MAST2: variants seen among roughly 807,000 people sequenced by gnomAD.
MAST2 encodes microtubule associated serine/threonine kinase 2.
In MAST2, 70 loss-of-function variants were observed where a neutral mutation model predicts 147.4. The ratio of observed to expected loss-of-function variants is 0.47; its 90% CI spans 0.39 to 0.58. The LOEUF (loss-of-function observed/expected upper bound fraction) is 0.58, where lower values mean the gene tolerates loss of function less well. MAST2 is among the 20% of genes least tolerant of loss of function. The pLI, the probability that MAST2 is intolerant of heterozygous loss-of-function variation, is 0.00. For synonymous variants in MAST2, 869 were observed against 896.8 expected (o/e 0.97, Z 0.55); for missense variants, 2,080 against 2,302.3 (o/e 0.90, Z 1.98).
intron 5 of MAST2, among the ~76,000 whole-genome samples, chr1:45,976,290 C>A (rs1288593233): frequency 6.6e-6 from 1 of 151,978 alleles, no homozygotes; most frequent in Non-Finnish European, 1.5e-5. Context: ...ACTAAATACT[C>A]TTTAAGGCTT....
At chr1:45,982,006 C>T (rs1644428317) in intron 5 of MAST2, among the ~76,000 whole-genome samples, 1 of 152,010 alleles carries the variant, frequency 6.6e-6, no homozygotes, top group South Asian at 2.1e-4. Context: ...ACCACCACGC[C>T]CAGCTAATTT....
intron 4 of MAST2, among the ~76,000 whole-genome samples, chr1:45,921,736 G>A (rs1431740711): frequency 6.6e-6 from 1 of 152,224 alleles, no homozygotes; most frequent in African/African-American, 2.4e-5. Context: ...TCACAGCTCA[G>A]GCTCGGGGAG....
chr1:45,813,930 G>A (rs139586689), intron 1 of MAST2, among the ~76,000 whole-genome samples: 381 of 152,234 alleles, frequency 2.5e-3, no homozygotes, highest in Non-Finnish European at 3.7e-3. Flanking sequence ...GGGATTATAA[G>A]CATGAACTAT....
intron 5 of MAST2, among the ~76,000 whole-genome samples, chr1:45,973,604 A>T (rs1644013660): frequency 6.6e-6 from 1 of 152,354 alleles, no homozygotes; most frequent in East Asian, 1.9e-4. Flanking sequence ...TCTAGATGTC[A>T]TCACCTAGGG....
intron 3 of MAST2, among the ~76,000 whole-genome samples, chr1:45,876,843 A>G (rs1646626842): frequency 6.6e-6 from 1 of 152,174 alleles, no homozygotes; most frequent in Non-Finnish European, 1.5e-5. Flanking sequence ...CGTGCCTCTA[A>G]AGGAATGCAG....
intron 5 of MAST2, among the ~76,000 whole-genome samples, chr1:45,976,391 G>A (rs1644157817): frequency 2.0e-5 from 3 of 152,152 alleles, no homozygotes; most frequent in African/African-American, 7.2e-5. Flanking sequence ...GAGGTTAGGA[G>A]GTGGAGACCA....
chr1:45,820,755 T>G (rs1644596553), intron 1 of MAST2, among the ~76,000 whole-genome samples: 1 of 151,890 alleles, frequency 6.6e-6, no homozygotes, highest in African/African-American at 2.4e-5. Flanking sequence ...AGTTTCTGTT[T>G]AGTGTCCTTT....
intron 1 of MAST2, among the ~76,000 whole-genome samples, chr1:45,822,622 A>G (rs2148697043): frequency 6.6e-6 from 1 of 152,242 alleles, no homozygotes; most frequent in South Asian, 2.1e-4. Flanking sequence ...AGCTGGTTGT[A>G]AGTTTTTTTG....
chr1:45,860,402 T>A (rs926348590), intron 3 of MAST2, among the ~76,000 whole-genome samples: 2 of 142,980 alleles, frequency 1.4e-5, no homozygotes, highest in African/African-American at 5.2e-5. Flanking sequence ...AAAAAAAAAA[T>A]TTATGTGAAG....
At chr1:45,844,232 TG>T (rs1645361842) in intron 3 of MAST2, among the ~76,000 whole-genome samples, 1 of 152,122 alleles carries the variant, frequency 6.6e-6, no homozygotes, top group African/African-American at 2.4e-5. Flanking sequence ...CCTGAGTAGT[TG>T]GGACTACAGG....
intron 3 of MAST2, among the ~76,000 whole-genome samples, chr1:45,839,258 A>G (rs1645201253): frequency 1.3e-5 from 2 of 151,686 alleles, no homozygotes; most frequent in South Asian, 4.2e-4. Flanking sequence ...CCTCCCCAGT[A>G]GCTGGGATTA....
intron 4 of MAST2, among the ~76,000 whole-genome samples, chr1:45,922,811 G>A (rs1054684908): frequency 2.0e-5 from 3 of 152,172 alleles, no homozygotes; most frequent in South Asian, 2.1e-4. Context: ...AGAGCATGCA[G>A]CCCCAGCTCC....
At chr1:45,992,540 T>C (rs1048093002) in intron 5 of MAST2, among the ~76,000 whole-genome samples, 2 of 152,198 alleles carry the variant, frequency 1.3e-5, no homozygotes, top group African/African-American at 4.8e-5. Flanking sequence ...AGAGTAATAC[T>C]GGCCCCATGG....
chr1:45,831,643 A>G (rs904145585), intron 3 of MAST2, among the ~76,000 whole-genome samples: 2 of 152,026 alleles, frequency 1.3e-5, no homozygotes, highest in Non-Finnish European at 1.5e-5. Context: ...CTGTGTGTAT[A>G]TATGTATTTT....
At chr1:45,962,742 A>G (rs1161812477) in intron 5 of MAST2, among the ~76,000 whole-genome samples, 3 of 152,034 alleles carry the variant, frequency 2.0e-5, no homozygotes, top group African/African-American at 7.2e-5. Context: ...TCTGATGGTG[A>G]TTTCTTTTTC....
chr1:45,938,410 A>G (rs181249827), intron 4 of MAST2, among the ~76,000 whole-genome samples: 18 of 152,254 alleles, frequency 1.2e-4, no homozygotes, highest in Admixed American at 7.2e-4. Flanking sequence ...TGCAGCCTCA[A>G]TCTCCTGGGC....
At chr1:45,849,758 C>T (rs1457125265) in intron 3 of MAST2, among the ~76,000 whole-genome samples, 1 of 152,098 alleles carries the variant, frequency 6.6e-6, no homozygotes, top group African/African-American at 2.4e-5. Flanking sequence ...GATCTCCTGA[C>T]GTCGTGATCT....
intron 3 of MAST2, among the ~76,000 whole-genome samples, chr1:45,842,663 G>A (rs570251061): frequency 3.4e-4 from 52 of 152,166 alleles, no homozygotes; most frequent in Middle Eastern, 6.8e-3. Context: ...ATAATATCTC[G>A]TTGTATGTGT....
chr1:46,032,852 G>A (rs542069065), intron 26 of MAST2, 134 bp downstream of exon 26: 29 of 1,220,868 alleles, frequency 2.4e-5, no homozygotes, highest in Admixed American at 2.0e-4. Flanking sequence ...CACACAGGCC[G>A]GGCGCGGTGG....
Sources: gnomAD v4.1 joint callset for allele counts (sites outside exome capture counted in the v4.1 genomes callset) on GRCh38, gnomAD v4.1.1 for gene constraint, MANE v1.5 for transcripts, NCBI Gene and HGNC (gene_info 2026-07-23, HGNC 2026-07-21) for gene names.